SRGAP2C: variants seen among roughly 807,000 people sequenced by gnomAD.
SRGAP2C encodes SLIT-ROBO Rho GTPase activating protein 2C.
In SRGAP2C, 15 loss-of-function variants were observed where a neutral mutation model predicts 25.1. The observed-to-expected ratio is 0.60, with a 90% CI of 0.40 to 0.92. The LOEUF (loss-of-function observed/expected upper bound fraction) is 0.92. Ranked by LOEUF, SRGAP2C falls within the 40% of genes least tolerant of loss-of-function variation. SRGAP2C has a pLI of 0.00. For synonymous variants in SRGAP2C, 44 were observed against 96.6 expected (o/e 0.46, Z 3.19); for missense variants, 144 against 264.4 (o/e 0.54, Z 3.16).
At chr1:121,212,387 C>T (rs1235668690) in intron 2 of SRGAP2C, among the ~76,000 whole-genome samples, 1 of 152,078 alleles carries the variant, frequency 6.6e-6, no homozygotes, top group Non-Finnish European at 1.5e-5. Context: ...GCCTCGGCCT[C>T]TCAGAGTGCT....
intron 3 of SRGAP2C, among the ~76,000 whole-genome samples, chr1:121,323,077 T>C (rs1402528033): frequency 2.2e-4 from 33 of 151,874 alleles, no homozygotes; most frequent in Non-Finnish European, 4.0e-4. Flanking sequence ...CTACTTTTCC[T>C]CATCTGCCAA....
At chr1:121,238,484 C>CG (rs1656011587) in intron 2 of SRGAP2C, among the ~76,000 whole-genome samples, 1 of 151,972 alleles carries the variant, frequency 6.6e-6, no homozygotes, top group Non-Finnish European at 1.5e-5. Context: ...TCTACTACTG[C>CG]GAGAGTGTGG....
intron 3 of SRGAP2C, among the ~76,000 whole-genome samples, chr1:121,287,864 G>A (rs1452752059): frequency 2.6e-4 from 39 of 152,094 alleles, no homozygotes; most frequent in Middle Eastern, 3.4e-3. Flanking sequence ...AAGGCAGCGC[G>A]TCTGGAGTTG....
At chr1:121,378,619 T>G (rs1323785073) in intron 7 of SRGAP2C, among the ~76,000 whole-genome samples, 2 of 151,378 alleles carry the variant, frequency 1.3e-5, no homozygotes, top group East Asian at 3.9e-4. Context: ...CAGGACTAAG[T>G]GAGGAGCCTG....
intron 2 of SRGAP2C, among the ~76,000 whole-genome samples, chr1:121,282,549 G>A (rs1441402689): frequency 6.6e-6 from 1 of 151,136 alleles, no homozygotes; most frequent in Non-Finnish European, 1.5e-5. Context: ...AAAACGCCTT[G>A]GTTCTTTTTT....
At chr1:121,308,799 C>A (rs1236961852) in intron 3 of SRGAP2C, among the ~76,000 whole-genome samples, 4 of 146,744 alleles carry the variant, frequency 2.7e-5, no homozygotes. Context: ...ATTAGCCGAG[C>A]GTGGTGGCAC....
At chr1:121,238,256 A>G (rs1656006188) in intron 2 of SRGAP2C, among the ~76,000 whole-genome samples, 1 of 151,218 alleles carries the variant, frequency 6.6e-6, no homozygotes, top group Non-Finnish European at 1.5e-5. Flanking sequence ...AAGAAAAGAA[A>G]GGAAGAGTGT....
intron 2 of SRGAP2C, among the ~76,000 whole-genome samples, chr1:121,258,313 G>T (rs1202134307): frequency 2.0e-5 from 3 of 151,468 alleles, no homozygotes; most frequent in South Asian, 2.1e-4. Flanking sequence ...TTTTTAGGGT[G>T]GTGCCCTTCC....
intron 2 of SRGAP2C, among the ~76,000 whole-genome samples, chr1:121,195,752 C>T (rs587676913): frequency 6.7e-6 from 1 of 149,918 alleles, no homozygotes; most frequent in Admixed American, 6.7e-5. Context: ...TACTAGCTAA[C>T]ATTTGCTGTC....
chr1:121,316,150 A>T (rs1261275228), intron 3 of SRGAP2C, among the ~76,000 whole-genome samples: 1 of 136,186 alleles, frequency 7.3e-6, no homozygotes, highest in Non-Finnish European at 1.6e-5. Context: ...TGGGAGGGGG[A>T]GATCTTTATG....
At chr1:121,331,959 G>T (rs1208413978) in intron 4 of SRGAP2C, among the ~76,000 whole-genome samples, 2 of 150,526 alleles carry the variant, frequency 1.3e-5, no homozygotes, top group Non-Finnish European at 3.0e-5. Context: ...AAGGGAGTTT[G>T]TAGGGTTTTT....
At chr1:121,188,777 A>G (rs1654596329) in intron 2 of SRGAP2C, among the ~76,000 whole-genome samples, 1 of 147,804 alleles carries the variant, frequency 6.8e-6, no homozygotes, top group South Asian at 2.2e-4. Flanking sequence ...GGTAGTCTGA[A>G]GTCCTCATTG....
At position 121,295,739 on chromosome 1, in the gene SRGAP2C, TG is replaced by T. The variant is rs2101580012; in HGVS notation, c.260+10745del. Among the ~76,000 whole-genome samples the T allele has an allele frequency of 3.2e-3, 483 of 150,570 alleles. 6 individuals are homozygous for T. The highest frequency in any genetic ancestry group is 0.011 in the African/African-American group (449 of 41,134). ...TAGAGAGGGGCTTTTTTGTTTTTGT[TG>T]TTGTTGTTGTTGTTGTTGTTGTTGT... On this transcript the variant is annotated intron_variant, in intron 3 of 9. Coordinates refer to ENST00000367123, the MANE Select transcript of SRGAP2C (RefSeq NM_001329984.2).
intron 3 of SRGAP2C, among the ~76,000 whole-genome samples, chr1:121,308,613 C>T (rs1657904395): frequency 6.6e-6 from 1 of 151,864 alleles, no homozygotes; most frequent in Non-Finnish European, 1.5e-5. Flanking sequence ...TGTACTCCAA[C>T]CTGGGCAACA....
intron 2 of SRGAP2C, among the ~76,000 whole-genome samples, chr1:121,237,694 C>T (rs1655994815): frequency 6.6e-6 from 1 of 151,894 alleles, no homozygotes; most frequent in Non-Finnish European, 1.5e-5. Context: ...GGGTTGCCCT[C>T]TTTTCATTTC....
At chr1:121,356,726 C>G (rs1375325462) in intron 4 of SRGAP2C, among the ~76,000 whole-genome samples, 2 of 151,998 alleles carry the variant, frequency 1.3e-5, no homozygotes, top group African/African-American at 4.8e-5. Context: ...GAAGACATTA[C>G]GCCCCCACCC....
chr1:121,236,582 C>T (rs1458228165), intron 2 of SRGAP2C, among the ~76,000 whole-genome samples: 1 of 152,176 alleles, frequency 6.6e-6, no homozygotes, highest in Non-Finnish European at 1.5e-5. Context: ...AACCCTCCCT[C>T]ACCTCATCAA....
At chr1:121,287,884 C>T (rs1233122798) in intron 3 of SRGAP2C, among the ~76,000 whole-genome samples, 1 of 151,766 alleles carries the variant, frequency 6.6e-6, no homozygotes, top group African/African-American at 2.4e-5. Flanking sequence ...GTTCATTCCT[C>T]CCGGTGGGCT....
At chr1:121,264,010 G>A (rs1401911913) in intron 2 of SRGAP2C, among the ~76,000 whole-genome samples, 34 of 152,052 alleles carry the variant, frequency 2.2e-4, no homozygotes, top group African/African-American at 7.9e-4. Flanking sequence ...GAGGTGGGTA[G>A]GCAGGGGATA....
Sources: gnomAD v4.1 joint callset for allele counts (sites outside exome capture counted in the v4.1 genomes callset) on GRCh38, gnomAD v4.1.1 for gene constraint, MANE v1.5 for transcripts, NCBI Gene and HGNC (gene_info 2026-07-23, HGNC 2026-07-21) for gene names.